The following RASGRF1 variants were observed in gnomAD, a reference collection of about 807,000 sequenced individuals.
RASGRF1 encodes the protein ras-specific guanine nucleotide-releasing factor 1.
RASGRF1 carries 40 observed loss-of-function variants against 138.7 expected under a neutral mutation model. That is an observed-to-expected ratio of 0.29 (90% CI 0.22 to 0.38). RASGRF1 has a LOEUF of 0.38. Ranked by LOEUF, RASGRF1 falls within the 10% of genes least tolerant of loss-of-function variation. The probability of loss-of-function intolerance (pLI) is 1.00; values close to 1 mark genes in which losing one functional copy is unlikely to be tolerated. For missense variants in RASGRF1, 1,108 were observed against 1,650.4 expected (o/e 0.67, Z 5.69); for synonymous variants, 614 against 663.2 (o/e 0.93, Z 1.14).
intron 5 of RASGRF1, among the ~76,000 whole-genome samples, chr15:79,045,219 T>C (rs1408535945): frequency 6.6e-6 from 1 of 152,196 alleles, no homozygotes; most frequent in Non-Finnish European, 1.5e-5. Context: ...TTGTTGGAAA[T>C]GCAGTCCCCT....
chr15:79,090,749 C>CCCT lies in RASGRF1; in HGVS notation c.-254_-252dup. 1 of 539,322 alleles carries CCCT rather than the reference C, an allele frequency of 1.9e-6. No individual in the cohort carries two copies. Among genetic ancestry groups the CCCT allele is most frequent in the Non-Finnish European group, 3.2e-6 (1 of 313,602 alleles). The allele number at this position is 539,322 out of a possible 1,614,324, so 33.4% of individuals were successfully genotyped here. A position where few individuals can be genotyped will look rare whatever the true frequency, so the allele number is the denominator to read the frequency against. On this transcript the variant is annotated 5_prime_UTR_variant, in exon 1 of 27. Transcript: ENST00000558480. ...CCAGTACCCGGAAGATGCCGCCCGA[C>CCCT]CCTCCTCCGGTGCCGGGCAAACTGA...
intron 12 of RASGRF1, 81 bp downstream of exon 12, chr15:79,017,689 C>G (rs953807919): frequency 4.8e-6 from 7 of 1,465,918 alleles, no homozygotes; most frequent in Non-Finnish European, 6.4e-6. Context: ...ACCCCCACCC[C>G]CTACCTGCCA....
intron 26 of RASGRF1, among the ~76,000 whole-genome samples, chr15:78,968,250 A>ATGTGTGTGTGTG (rs10529968): frequency 0.014 from 1,931 of 134,286 alleles, 21 homozygotes; most frequent in Middle Eastern, 0.09. Flanking sequence ...CATGACACTG[A>ATGTGTGTGTGTG]TGTGTGTGTG....
rs1896932096 is a variant in RASGRF1 at position 79,073,273 on chromosome 15, C to T, written c.277-8747G>A. The stretch of plus-strand genomic sequence containing the variant: ...ACTGCCCAGATCCCAGAAGGGGAGT[C>T]ATGATGCCTGATAAGCCCATGGCTC... On this transcript the variant is annotated intron_variant, in intron 1 of 26. Coordinates refer to ENST00000558480, the MANE Select transcript of RASGRF1 (RefSeq NM_001145648.3). This position sits in a 1 kb window ranked among gnomAD's most constrained non-coding sequence, Gnocchi z 4.2. 6.6e-6 allele frequency among the ~76,000 whole-genome samples: 1 copy of T among 152,078 alleles called. No individual in the cohort carries two copies. The highest frequency in any genetic ancestry group is 2.4e-5 in the African/African-American group (1 of 41,388).
intron 1 of RASGRF1, among the ~76,000 whole-genome samples, chr15:79,087,150 T>G (rs1007365): frequency 0.52 from 78,496 of 152,122 alleles, 22,494 homozygotes; most frequent in African/African-American, 0.78. Flanking sequence ...ATGGGCTTGG[T>G]GTTTGGTGCC....
chr15:78,980,465 C>T (rs2055999078), intron 24 of RASGRF1, 155 bp downstream of exon 24: 3 of 544,660 alleles, frequency 5.5e-6, no homozygotes, highest in Non-Finnish European at 9.8e-6. Context: ...GAGGACTCCA[C>T]CATTGGGGTC....
At chr15:79,084,032 G>A (rs2057948012) in intron 1 of RASGRF1, among the ~76,000 whole-genome samples, 1 of 152,224 alleles carries the variant, frequency 6.6e-6, no homozygotes, top group South Asian at 2.1e-4. Context: ...TCATGGTGAA[G>A]GTCAAGCTTT....
At chr15:78,989,185 T>C (rs955568141) in intron 22 of RASGRF1, among the ~76,000 whole-genome samples, 12 of 152,308 alleles carry the variant, frequency 7.9e-5, no homozygotes, top group Middle Eastern at 3.4e-3. Context: ...CCCATGTTTC[T>C]CTGAGGAGGG....
intron 1 of RASGRF1, among the ~76,000 whole-genome samples, chr15:79,065,642 G>C: frequency 6.6e-6 from 1 of 151,958 alleles, no homozygotes. Context: ...GGCCCAGCCT[G>C]GGCCTGGGCC....
intron 3 of RASGRF1, among the ~76,000 whole-genome samples, chr15:79,052,949 G>A (rs1190269406): frequency 6.6e-6 from 1 of 152,068 alleles, no homozygotes; most frequent in Non-Finnish European, 1.5e-5. Context: ...GTATATTGGG[G>A]TTCCACATCA....
chr15:79,002,659 G>A (rs1216362836), intron 15 of RASGRF1, among the ~76,000 whole-genome samples: 1 of 152,178 alleles, frequency 6.6e-6, no homozygotes, highest in Non-Finnish European at 1.5e-5. Context: ...ACTGCCTTGC[G>A]TTACATTTCA....
chr15:79,066,295 G>A (rs972681728), intron 1 of RASGRF1, among the ~76,000 whole-genome samples: 10 of 152,158 alleles, frequency 6.6e-5, no homozygotes, highest in African/African-American at 1.7e-4. Flanking sequence ...GCCAAACAGC[G>A]GGAAAGCAGA....
At chr15:78,964,807 A>T (rs1201791196) in intron 26 of RASGRF1, among the ~76,000 whole-genome samples, 1 of 152,176 alleles carries the variant, frequency 6.6e-6, no homozygotes, top group Non-Finnish European at 1.5e-5. Context: ...AACTGTTTTC[A>T]TTTTTTTGTG....
chr15:79,048,806 T>C (rs1387060511), intron 4 of RASGRF1, among the ~76,000 whole-genome samples: 1 of 152,236 alleles, frequency 6.6e-6, no homozygotes, highest in African/African-American at 2.4e-5. Flanking sequence ...GGTCCTTTCA[T>C]GCACTCAACA....
chr15:79,029,719 C>A (rs372601612), intron 8 of RASGRF1, among the ~76,000 whole-genome samples: 1 of 151,808 alleles, frequency 6.6e-6, no homozygotes. Context: ...CTTGTGGGAG[C>A]GTGAAAGGAG....
chr15:78,994,956 C>T (rs1443382171), intron 20 of RASGRF1, among the ~76,000 whole-genome samples: 1 of 144,680 alleles, frequency 6.9e-6, no homozygotes, highest in Non-Finnish European at 1.5e-5. Flanking sequence ...AGATGGGGGT[C>T]TCACTCTGTC....
At chr15:79,001,033 C>G (rs904772048) in intron 16 of RASGRF1, among the ~76,000 whole-genome samples, 3 of 152,192 alleles carry the variant, frequency 2.0e-5, no homozygotes, top group Admixed American at 2.0e-4. Context: ...TCACAGCCCC[C>G]TTGTATAGGG....
intron 15 of RASGRF1, 23 bp downstream of exon 15, chr15:79,003,779 G>T (rs753015752): frequency 6.4e-7 from 1 of 1,561,806 alleles, no homozygotes; most frequent in Non-Finnish European, 8.7e-7. Context: ...CTGGGGGGCA[G>T]CTCCGACGGC....
intron 14 of RASGRF1, chr15:79,005,234 A>G (rs1450842992): frequency 5.1e-6 from 5 of 985,490 alleles, no homozygotes; most frequent in Non-Finnish European, 6.0e-6. Flanking sequence ...GAACGGGTGT[A>G]TTCTGGGTCG....
Sources: allele counts gnomAD v4.1 joint callset (sites outside exome capture counted in the v4.1 genomes callset), GRCh38; gene constraint gnomAD v4.1.1; non-coding constraint Gnocchi (gnomAD v3.1); transcripts MANE v1.5; gene names NCBI Gene and HGNC (gene_info 2026-07-23, HGNC 2026-07-21).